DPP10: variants seen among roughly 807,000 people sequenced by gnomAD.
DPP10 encodes the protein dipeptidyl peptidase like 10, also known as inactive dipeptidyl peptidase 10.
Under a neutral mutation model 120.9 loss-of-function variants are expected in DPP10, and 33 were observed. That is an observed-to-expected ratio of 0.27 (90% CI 0.21 to 0.37). The LOEUF (loss-of-function observed/expected upper bound fraction) is 0.37. Ranked by LOEUF, DPP10 falls within the 10% of genes least tolerant of loss-of-function variation. The pLI, the probability that DPP10 is intolerant of heterozygous loss-of-function variation, is 1.00. For missense variants in DPP10, 816 were observed against 942.8 expected, an observed-to-expected ratio of 0.87 and a Z score of 1.76; for synonymous variants, 337 against 326.1, an observed-to-expected ratio of 1.03 and a Z score of -0.36.
chr2:115,344,135 C>CAA (rs751004918), intron 3 of DPP10, among the ~76,000 whole-genome samples: 93 of 48,804 alleles, frequency 1.9e-3, no homozygotes, highest in South Asian at 2.2e-3. Flanking sequence ...GACTCCATCT[C>CAA]AAAAAAAAAA....
intron 2 of DPP10, among the ~76,000 whole-genome samples, chr2:115,333,561 C>T (rs1308851483): frequency 2.1e-4 from 32 of 152,234 alleles, no homozygotes; most frequent in Admixed American, 2.1e-3. Flanking sequence ...GTGGCTGGTA[C>T]TGGTTGTTCC....
chr2:115,534,944 CT>C (rs1437294952), intron 5 of DPP10, among the ~76,000 whole-genome samples: 1 of 151,380 alleles, frequency 6.6e-6, no homozygotes, highest in Non-Finnish European at 1.5e-5. Context: ...CCTTCGCCCA[CT>C]TTTTGATGGG....
chr2:115,051,010 T>C (rs1347614024), intron 1 of DPP10, among the ~76,000 whole-genome samples: 1 of 152,164 alleles, frequency 6.6e-6, no homozygotes, highest in Non-Finnish European at 1.5e-5. Context: ...CATGAAACTC[T>C]GGAGAAGAGA....
intron 21 of DPP10, among the ~76,000 whole-genome samples, chr2:115,817,841 T>C (rs778859360): frequency 6.6e-6 from 1 of 151,932 alleles, no homozygotes; most frequent in Non-Finnish European, 1.5e-5. Flanking sequence ...GAAGGACAAA[T>C]ACTGTATAAT....
chr2:114,483,672 C>A (rs1253280965), intron 1 of DPP10, among the ~76,000 whole-genome samples: 3 of 152,046 alleles, frequency 2.0e-5, no homozygotes, highest in Non-Finnish European at 4.4e-5. Context: ...GCTAGCTGAT[C>A]CTTGAATTTC....
chr2:115,076,233 T>A (rs1487676343), intron 1 of DPP10, among the ~76,000 whole-genome samples: 1 of 143,720 alleles, frequency 7.0e-6, no homozygotes, highest in Admixed American at 7.1e-5. Flanking sequence ...TAAGCTAACA[T>A]TAGGAAGTAA....
At chr2:115,106,623 C>A (rs560179092) in intron 1 of DPP10, among the ~76,000 whole-genome samples, 1 of 146,110 alleles carries the variant, frequency 6.8e-6, no homozygotes, top group East Asian at 2.2e-4. Flanking sequence ...CCACACCCAG[C>A]TAATTTTACA....
intron 3 of DPP10, among the ~76,000 whole-genome samples, chr2:115,375,484 T>A (rs2065723998): frequency 5.3e-5 from 8 of 152,246 alleles, no homozygotes; most frequent in Admixed American, 5.2e-4. Context: ...CACATCTTCC[T>A]TTCTTCTTCT....
At chr2:114,861,252 AGCAGGTGG>A (rs1356012492) in intron 1 of DPP10, among the ~76,000 whole-genome samples, 2 of 152,194 alleles carry the variant, frequency 1.3e-5, no homozygotes, top group African/African-American at 4.8e-5. Flanking sequence ...ACTGCTCACA[AGCAGGTGG>A]GCACAGAGTC....
intron 1 of DPP10, among the ~76,000 whole-genome samples, chr2:114,461,092 T>C (rs1678885600): frequency 1.3e-5 from 2 of 152,304 alleles, no homozygotes; most frequent in East Asian, 1.9e-4. Context: ...CTATAAAATA[T>C]GTAGTAGTTA....
At chr2:115,636,336 G>T (rs1220006380) in intron 5 of DPP10, among the ~76,000 whole-genome samples, 1 of 152,134 alleles carries the variant, frequency 6.6e-6, no homozygotes, top group African/African-American at 2.4e-5. Context: ...AATGCATGAA[G>T]TTGCATGACA....
At chr2:114,749,819 A>G (rs1435661651) in intron 1 of DPP10, among the ~76,000 whole-genome samples, 3 of 152,214 alleles carry the variant, frequency 2.0e-5, no homozygotes, top group African/African-American at 7.2e-5. Context: ...TGCTGCATAC[A>G]ATGATGGCAC....
At chr2:115,518,651 A>C (rs969679899) in intron 4 of DPP10, among the ~76,000 whole-genome samples, 1 of 152,048 alleles carries the variant, frequency 6.6e-6, no homozygotes, top group African/African-American at 2.4e-5. Context: ...GTTTTAAAAT[A>C]ATAATTATAT....
chr2:115,142,878 C>G (rs534335521), intron 1 of DPP10, among the ~76,000 whole-genome samples: 1 of 152,096 alleles, frequency 6.6e-6, no homozygotes, highest in South Asian at 2.1e-4. Flanking sequence ...CTAAGAGAGG[C>G]CTATTACCCT....
chr2:114,599,411 C>T (rs979925314), intron 1 of DPP10, among the ~76,000 whole-genome samples: 2 of 151,820 alleles, frequency 1.3e-5, no homozygotes, highest in African/African-American at 4.8e-5. Flanking sequence ...CCTGTGGGGG[C>T]AACTACTGTT....
At chr2:114,604,079 T>C (rs1692593319) in intron 1 of DPP10, among the ~76,000 whole-genome samples, 1 of 152,074 alleles carries the variant, frequency 6.6e-6, no homozygotes, top group African/African-American at 2.4e-5. Context: ...TGACAACACA[T>C]AAATGCCTTC....
Position 115,571,501 on chromosome 2 carries a change from C to T in DPP10, c.441+45529C>T, listed in dbSNP as rs569127115. 1.1e-4 allele frequency among the ~76,000 whole-genome samples: 16 copies of T among 152,172 alleles called. No homozygotes were observed. In the South Asian group the frequency reaches 1.7e-3, roughly 16 times the overall value. On this transcript the variant is annotated intron_variant, in intron 5 of 25. Coordinates refer to ENST00000410059, the MANE Select transcript of DPP10 (RefSeq NM_020868.6). ...TGTAGTATTTGGTTTTCTGATCCTGCGTTAATTCACTTAGGGTAATTGTTG... is the reference window on the plus strand; with the variant it reads ...TGTAGTATTTGGTTTTCTGATCCTGTGTTAATTCACTTAGGGTAATTGTTG...
chr2:115,211,650 C>T (rs912260048), intron 1 of DPP10, among the ~76,000 whole-genome samples: 1 of 151,888 alleles, frequency 6.6e-6, no homozygotes, highest in African/African-American at 2.4e-5. Flanking sequence ...TTTAATTTGG[C>T]AGTAAGATGC....
At chr2:115,680,685 G>C (rs1179333837) in intron 5 of DPP10, among the ~76,000 whole-genome samples, 1 of 151,952 alleles carries the variant, frequency 6.6e-6, no homozygotes, top group East Asian at 1.9e-4. Context: ...ACTTAAGTAT[G>C]AGACCATAAA....
Sources: gnomAD v4.1 joint callset for allele counts (sites outside exome capture counted in the v4.1 genomes callset) on GRCh38, gnomAD v4.1.1 for gene constraint, MANE v1.5 for transcripts, NCBI Gene and HGNC (gene_info 2026-07-23, HGNC 2026-07-21) for gene names.